Variants in RAB38 observed in about 807,000 individuals in gnomAD.
RAB38 encodes the protein RAB38, member RAS oncogene family, also known as ras-related protein Rab-38.
In RAB38, 15 loss-of-function variants were observed where a neutral mutation model predicts 18.4. The ratio of observed to expected loss-of-function variants is 0.82; its 90% CI spans 0.55 to 1.26. The LOEUF is 1.26. Ranked by LOEUF, RAB38 falls within the 50% of genes most tolerant of loss-of-function variation. RAB38 has a pLI of 0.00. For missense variants in RAB38, 294 were observed against 267.4 expected (o/e 1.10, Z -0.69); for synonymous variants, 101 against 104.4 (o/e 0.97, Z 0.20).
At chr11:87,941,214 G>GATAT in the RAB38 span, among the ~76,000 whole-genome samples, 9,144 of 62,198 alleles carry the variant, frequency 0.15, 905 homozygotes, top group Non-Finnish European at 0.17. Flanking sequence ...AAATATATGA[G>GATAT]ATATATATAT....
At chr11:87,846,986 A>G in the RAB38 span, among the ~76,000 whole-genome samples, 1 of 152,096 alleles carries the variant, frequency 6.6e-6, no homozygotes, top group African/African-American at 2.4e-5. Flanking sequence ...AATAATTAAA[A>G]TACAATATAT....
chr11:87,929,236 A>T, the RAB38 span, among the ~76,000 whole-genome samples: 2 of 152,130 alleles, frequency 1.3e-5, no homozygotes, highest in Non-Finnish European at 2.9e-5. Context: ...ATTCATATTA[A>T]TCTGTTGTAT....
the RAB38 span, among the ~76,000 whole-genome samples, chr11:88,087,199 C>T: frequency 6.6e-6 from 1 of 151,922 alleles, no homozygotes; most frequent in Non-Finnish European, 1.5e-5. Context: ...AAGCAGTGAT[C>T]CCTGAGCAGA....
chr11:87,944,792 T>G, the RAB38 span, among the ~76,000 whole-genome samples: 1 of 152,134 alleles, frequency 6.6e-6, no homozygotes, highest in African/African-American at 2.4e-5. Context: ...CAAACCCATT[T>G]GAGCACCCTA....
the RAB38 span, among the ~76,000 whole-genome samples, chr11:87,808,862 T>C: frequency 1.3e-5 from 2 of 152,180 alleles, no homozygotes; most frequent in African/African-American, 4.8e-5. Context: ...AGTATTCTAA[T>C]TCCTTTGCAT....
chr11:88,036,595 TGA>T, the RAB38 span, among the ~76,000 whole-genome samples: 1 of 152,146 alleles, frequency 6.6e-6, no homozygotes, highest in African/African-American at 2.4e-5. Flanking sequence ...AACATTTTAT[TGA>T]GTGTACCTTC....
chr11:87,934,414 A>C, the RAB38 span, among the ~76,000 whole-genome samples: 1 of 152,126 alleles, frequency 6.6e-6, no homozygotes, highest in African/African-American at 2.4e-5. Flanking sequence ...AAGACAAATA[A>C]ATGAATTATA....
chr11:87,853,703 G>T, the RAB38 span, among the ~76,000 whole-genome samples: 1 of 152,208 alleles, frequency 6.6e-6, no homozygotes. Flanking sequence ...CTTCAGTTCA[G>T]AAAAGTCTTG....
At chr11:87,938,078 C>T in the RAB38 span, among the ~76,000 whole-genome samples, 1 of 151,878 alleles carries the variant, frequency 6.6e-6, no homozygotes, top group Non-Finnish European at 1.5e-5. Flanking sequence ...TTAAACCTTC[C>T]GTTTTAGCTC....
chr11:88,152,660 T>C (rs1943077812), intron 1 of RAB38, among the ~76,000 whole-genome samples: 1 of 152,226 alleles, frequency 6.6e-6, no homozygotes, highest in Admixed American at 6.5e-5. Flanking sequence ...CTCTTTGCTC[T>C]TTCTTATTCA....
At chr11:87,849,912 A>T in the RAB38 span, among the ~76,000 whole-genome samples, 3 of 152,116 alleles carry the variant, frequency 2.0e-5, no homozygotes, top group Non-Finnish European at 4.4e-5. Context: ...GATGAGCTCA[A>T]ACTAGTTGTA....
At chr11:88,089,711 T>G in the RAB38 span, among the ~76,000 whole-genome samples, 1 of 151,996 alleles carries the variant, frequency 6.6e-6, no homozygotes. Flanking sequence ...TTTTCTGGTT[T>G]CTCTGAAAAC....
the RAB38 span, among the ~76,000 whole-genome samples, chr11:87,978,071 T>TC: frequency 8.6e-6 from 1 of 116,342 alleles, no homozygotes; most frequent in Admixed American, 1.0e-4. Flanking sequence ...ACATCATATA[T>TC]AAATATATAG....
At chr11:88,101,329 G>C in the RAB38 span, among the ~76,000 whole-genome samples, 3 of 151,964 alleles carry the variant, frequency 2.0e-5, no homozygotes, top group East Asian at 3.9e-4. Context: ...AATTAATTGA[G>C]TAAACAAACA....
the RAB38 span, among the ~76,000 whole-genome samples, chr11:88,080,856 AGGG>A: frequency 3.9e-4 from 7 of 17,724 alleles, no homozygotes; most frequent in Admixed American, 2.1e-3. Flanking sequence ...GGAAGGAAGG[AGGG>A]AGGGAGGGAG....
the RAB38 span, among the ~76,000 whole-genome samples, chr11:87,975,753 G>C: frequency 6.6e-6 from 1 of 151,438 alleles, no homozygotes; most frequent in African/African-American, 2.4e-5. Context: ...AATTCTTAGA[G>C]CAGCCACTAA....
At chr11:87,861,060 C>T in the RAB38 span, among the ~76,000 whole-genome samples, 33 of 152,026 alleles carry the variant, frequency 2.2e-4, no homozygotes, top group Admixed American at 9.9e-4. Flanking sequence ...AGGAGAACAA[C>T]GTCCCAAAGA....
the RAB38 span, among the ~76,000 whole-genome samples, chr11:88,022,483 G>A: frequency 2.6e-5 from 4 of 151,700 alleles, no homozygotes; most frequent in Non-Finnish European, 5.9e-5. Flanking sequence ...ATATAGTACT[G>A]GAAATTCTAG....
the RAB38 span, among the ~76,000 whole-genome samples, chr11:88,008,871 A>C: frequency 6.6e-6 from 1 of 152,076 alleles, no homozygotes; most frequent in Non-Finnish European, 1.5e-5. Context: ...ACGGGGTTTC[A>C]CCATGTTGGC....
Sources: gnomAD v4.1 joint callset for allele counts (sites outside exome capture counted in the v4.1 genomes callset) on GRCh38, gnomAD v4.1.1 for gene constraint, MANE v1.5 for transcripts, NCBI Gene and HGNC (gene_info 2026-07-23, HGNC 2026-07-21) for gene names.